DENND1A: variants seen among roughly 807,000 people sequenced by gnomAD.
The protein encoded by DENND1A is DENN domain containing 1A, also known as DENN domain-containing protein 1A.
Under a neutral mutation model 113.7 loss-of-function variants are expected in DENND1A, and 51 were observed. That is an observed-to-expected ratio of 0.45 (90% CI 0.36 to 0.57). DENND1A has a LOEUF of 0.57. DENND1A is among the 20% of genes least tolerant of loss of function. The pLI is 0.00. For synonymous variants in DENND1A, 565 were observed against 570.8 expected (o/e 0.99, Z 0.14); for missense variants, 1,258 against 1,395.9 (o/e 0.90, Z 1.57).
intron 8 of DENND1A, among the ~76,000 whole-genome samples, chr9:123,666,737 A>T (rs567681127): frequency 5.3e-5 from 8 of 152,334 alleles, no homozygotes; most frequent in South Asian, 4.1e-4. Context: ...GTAAAAATAC[A>T]TTCTAAAAAG....
chr9:123,556,135 C>T (rs2057401807), intron 13 of DENND1A, among the ~76,000 whole-genome samples: 1 of 152,180 alleles, frequency 6.6e-6, no homozygotes, highest in Non-Finnish European at 1.5e-5. Context: ...AGCTGAAGGG[C>T]TTTCGAGAAA....
chr9:123,584,856 C>T (rs1818017576), intron 11 of DENND1A, among the ~76,000 whole-genome samples: 1 of 152,202 alleles, frequency 6.6e-6, no homozygotes, highest in South Asian at 2.1e-4. Flanking sequence ...CTCTGCCTGC[C>T]TGCCTCCCCT....
At chr9:123,884,743 C>T (rs1458359125) in intron 1 of DENND1A, among the ~76,000 whole-genome samples, 2 of 152,040 alleles carry the variant, frequency 1.3e-5, no homozygotes, top group African/African-American at 4.8e-5. Context: ...ATACTACTCC[C>T]GGTTTAGAGA....
chr9:123,795,826 A>G (rs1449188060), intron 2 of DENND1A, among the ~76,000 whole-genome samples: 1 of 152,218 alleles, frequency 6.6e-6, no homozygotes, highest in Non-Finnish European at 1.5e-5. Context: ...AACTTTCAAC[A>G]CAAAAATCTG....
intron 11 of DENND1A, among the ~76,000 whole-genome samples, chr9:123,604,321 G>C (rs1480416014): frequency 6.6e-6 from 1 of 152,124 alleles, no homozygotes; most frequent in Non-Finnish European, 1.5e-5. Context: ...TATTCTCAAG[G>C]CTAGGGTCAG....
At chr9:123,688,571 T>C (rs2064970446) in intron 5 of DENND1A, among the ~76,000 whole-genome samples, 2 of 152,212 alleles carry the variant, frequency 1.3e-5, no homozygotes, top group South Asian at 4.1e-4. Flanking sequence ...TAAGTAATGG[T>C]TGGGCCGCCC....
intron 5 of DENND1A, among the ~76,000 whole-genome samples, chr9:123,732,196 G>A (rs77094162): frequency 0.11 from 16,066 of 152,116 alleles, 878 homozygotes; most frequent in Admixed American, 0.13. Flanking sequence ...TTAGGTATTC[G>A]TCCAAAAGAA....
At chr9:123,540,908 C>T (rs1272231670) in intron 13 of DENND1A, among the ~76,000 whole-genome samples, 1 of 152,174 alleles carries the variant, frequency 6.6e-6, no homozygotes, top group African/African-American at 2.4e-5. Flanking sequence ...AGTGGAAAAA[C>T]CGTGAGTTCT....
intron 1 of DENND1A, among the ~76,000 whole-genome samples, chr9:123,900,165 T>C (rs1003357456): frequency 1.3e-5 from 2 of 152,240 alleles, no homozygotes; most frequent in African/African-American, 4.8e-5. Context: ...GGATTATCAG[T>C]TATCTGGAAC....
intron 12 of DENND1A, among the ~76,000 whole-genome samples, chr9:123,562,661 C>T (rs1375697102): frequency 6.6e-6 from 1 of 151,986 alleles, no homozygotes; most frequent in Non-Finnish European, 1.5e-5. Flanking sequence ...TTTTGATTAT[C>T]CTTTATAAAA....
chr9:123,858,572 A>T (rs766440062), intron 2 of DENND1A, among the ~76,000 whole-genome samples: 1 of 152,130 alleles, frequency 6.6e-6, no homozygotes, highest in Non-Finnish European at 1.5e-5. Context: ...TTGTTTTGCT[A>T]GGTGACTGGC....
chr9:123,691,838 G>A (rs2065211556), intron 5 of DENND1A, among the ~76,000 whole-genome samples: 1 of 152,162 alleles, frequency 6.6e-6, no homozygotes, highest in South Asian at 2.1e-4. Flanking sequence ...TTCCAAAAAT[G>A]AGGGCCTCCG....
chr9:123,415,804 T>G (rs1386871560), intron 19 of DENND1A, among the ~76,000 whole-genome samples: 1 of 152,172 alleles, frequency 6.6e-6, no homozygotes, highest in Non-Finnish European at 1.5e-5. Context: ...GTGGACACGC[T>G]GCTGGGGAGG....
chr9:123,879,628 T>C (rs1180082203), intron 1 of DENND1A, among the ~76,000 whole-genome samples: 1 of 152,224 alleles, frequency 6.6e-6, no homozygotes, highest in Non-Finnish European at 1.5e-5. Context: ...ACTATGGTTT[T>C]ACAGATGTCA....
chr9:123,834,863 G>A (rs893784862), intron 2 of DENND1A, among the ~76,000 whole-genome samples: 6 of 152,092 alleles, frequency 3.9e-5, no homozygotes, highest in African/African-American at 1.4e-4. Context: ...GGCAGCACTG[G>A]GTCTCCTTCC....
chr9:123,395,415 G>A (rs1378505905), intron 21 of DENND1A, among the ~76,000 whole-genome samples: 1 of 151,470 alleles, frequency 6.6e-6, no homozygotes, highest in African/African-American at 2.4e-5. Context: ...CAGGCTCCAC[G>A]GCTGGCTTTA....
intron 8 of DENND1A, among the ~76,000 whole-genome samples, chr9:123,659,548 C>A (rs917473208): frequency 1.3e-5 from 2 of 152,144 alleles, no homozygotes; most frequent in African/African-American, 4.8e-5. Flanking sequence ...TCTGGGAGAG[C>A]CAAGAAAAGG....
At chr9:123,412,774 A>G (rs2044412704) in intron 19 of DENND1A, among the ~76,000 whole-genome samples, 1 of 152,214 alleles carries the variant, frequency 6.6e-6, no homozygotes, top group Non-Finnish European at 1.5e-5. Flanking sequence ...CAGGCCGCGG[A>G]CCCACAGCAA....
intron 1 of DENND1A, among the ~76,000 whole-genome samples, chr9:123,897,870 AG>A (rs1311605380): frequency 6.6e-6 from 1 of 151,164 alleles, no homozygotes. Context: ...GCTTGAGCCC[AG>A]GAGTTCAAGG....
Sources: gnomAD v4.1 joint callset for allele counts (sites outside exome capture counted in the v4.1 genomes callset) on GRCh38, gnomAD v4.1.1 for gene constraint, MANE v1.5 for transcripts, NCBI Gene and HGNC (gene_info 2026-07-23, HGNC 2026-07-21) for gene names.